NCOA7: variants seen among roughly 807,000 people sequenced by gnomAD.
The protein encoded by NCOA7 is 140 kDa estrogen receptor-associated protein.
Under a neutral mutation model 104.3 loss-of-function variants are expected in NCOA7, and 45 were observed. The observed-to-expected ratio is 0.43, with a 90% CI of 0.34 to 0.55. The LOEUF (loss-of-function observed/expected upper bound fraction) is 0.55, where lower values mean the gene tolerates loss of function less well. Ranked by LOEUF, NCOA7 falls within the 20% of genes least tolerant of loss-of-function variation. NCOA7 has a pLI of 0.02. For synonymous variants in NCOA7, 398 were observed against 402.3 expected, an observed-to-expected ratio of 0.99 and a Z score of 0.13; for missense variants, 1,041 against 1,119.7, an observed-to-expected ratio of 0.93 and a Z score of 1.00.
chr6:125,839,830 T>C (rs949022794), intron 2 of NCOA7, among the ~76,000 whole-genome samples: 2 of 152,120 alleles, frequency 1.3e-5, no homozygotes, highest in African/African-American at 4.8e-5. Flanking sequence ...CCCACTGTAC[T>C]GCCAGCTGTG....
intron 10 of NCOA7, among the ~76,000 whole-genome samples, chr6:125,900,387 G>T (rs186898209): frequency 6.6e-6 from 1 of 152,130 alleles, no homozygotes; most frequent in African/African-American, 2.4e-5. Flanking sequence ...AAACTTTTAC[G>T]TTTTTATTCA....
At chr6:125,852,376 AG>A (rs1486892160) in intron 2 of NCOA7, among the ~76,000 whole-genome samples, 1 of 152,038 alleles carries the variant, frequency 6.6e-6, no homozygotes, top group Non-Finnish European at 1.5e-5. Context: ...TTGTATCTTT[AG>A]TAGAGATGGG....
At chr6:125,898,689 AC>A (rs1420241609) in intron 10 of NCOA7, among the ~76,000 whole-genome samples, 5 of 152,254 alleles carry the variant, frequency 3.3e-5, no homozygotes, top group African/African-American at 1.2e-4. Flanking sequence ...TCATGTCTAA[AC>A]CCCTTCTGTA....
intron 10 of NCOA7, among the ~76,000 whole-genome samples, chr6:125,896,283 C>G (rs942695866): frequency 1.3e-5 from 2 of 151,976 alleles, no homozygotes; most frequent in Non-Finnish European, 1.5e-5. Context: ...CATATATACA[C>G]CCACCAGCAT....
chr6:125,922,310 G>C (rs1787657230), intron 12 of NCOA7, among the ~76,000 whole-genome samples: 1 of 152,184 alleles, frequency 6.6e-6, no homozygotes, highest in Non-Finnish European at 1.5e-5. Flanking sequence ...GCCTCTGAGT[G>C]TTTAGAAAGA....
rs1184196531 is a variant in NCOA7 at position 125,928,714 on chromosome 6, T to C, written c.2772T>C (p.Ile924=). The change falls in exon 16 of 16, where the codon ATT becomes ATC. Residue 924 remains isoleucine, a synonymous_variant. Coordinates refer to ENST00000392477, the MANE Select transcript of NCOA7 (RefSeq NM_181782.5). ...CTTGCAGCACTTTCAATAATGATATTCTTTCCAAAAAGGAAGACTTCATAG... is the reference window on the plus strand; with the variant it reads ...CTTGCAGCACTTTCAATAATGATATCCTTTCCAAAAAGGAAGACTTCATAG... ...SNSCSTFNND[I]LSKKEDFIVQ... 6.2e-7 allele frequency: 1 copy of C among 1,613,674 alleles called. No homozygotes were observed. Among genetic ancestry groups the C allele is most frequent in the Non-Finnish European group, 8.5e-7 (1 of 1,179,838 alleles).
chr6:125,833,301 G>A (rs1779334898), intron 2 of NCOA7, among the ~76,000 whole-genome samples: 1 of 152,018 alleles, frequency 6.6e-6, no homozygotes, highest in Non-Finnish European at 1.5e-5. Flanking sequence ...GAAATAATGG[G>A]GCTGGCCGGG....
intron 11 of NCOA7, among the ~76,000 whole-genome samples, chr6:125,917,673 A>G (rs1787202022): frequency 6.6e-6 from 1 of 152,228 alleles, no homozygotes; most frequent in Non-Finnish European, 1.5e-5. Flanking sequence ...AAGCCACAGT[A>G]GGATCTGTGT....
chr6:125,912,922 ACTT>A (rs975836028), intron 10 of NCOA7, among the ~76,000 whole-genome samples: 2 of 152,198 alleles, frequency 1.3e-5, no homozygotes, highest in Non-Finnish European at 2.9e-5. Context: ...TAAGAAGGAA[ACTT>A]CTTATTATAT....
upstream of NCOA7, among the ~76,000 whole-genome samples, chr6:125,786,814 G>C (rs1774490614): frequency 6.6e-6 from 1 of 152,072 alleles, no homozygotes; most frequent in Non-Finnish European, 1.5e-5. Context: ...GACCTCAAGT[G>C]ATCCACCCTC....
At chr6:125,899,965 G>T (rs768479076) in intron 10 of NCOA7, 2 of 532,256 alleles carry the variant, frequency 3.8e-6, no homozygotes, top group Non-Finnish European at 7.7e-6. Context: ...ATAGCTGAGG[G>T]TCCATTTCCA....
intron 1 of NCOA7, among the ~76,000 whole-genome samples, chr6:125,804,128 G>A (rs531332263): frequency 1.6e-3 from 239 of 152,256 alleles, no homozygotes; most frequent in African/African-American, 5.4e-3. Context: ...GACTCCAGAA[G>A]TTTGCAGCTT....
At chr6:125,838,561 G>A (rs1415493478) in intron 2 of NCOA7, among the ~76,000 whole-genome samples, 1 of 152,146 alleles carries the variant, frequency 6.6e-6, no homozygotes, top group Non-Finnish European at 1.5e-5. Flanking sequence ...TGTCAAAGAA[G>A]CATATTCTGG....
chr6:125,903,953 A>G (rs1181044667), intron 10 of NCOA7, among the ~76,000 whole-genome samples: 1 of 151,970 alleles, frequency 6.6e-6, no homozygotes, highest in African/African-American at 2.4e-5. Flanking sequence ...TGAACTGCCC[A>G]CCTCAGCCTC....
chr6:125,853,620 A>G (rs62428464), intron 2 of NCOA7, among the ~76,000 whole-genome samples: 3,988 of 152,274 alleles, frequency 0.026, 85 homozygotes, highest in Non-Finnish European at 0.038. Context: ...CCTTGTTGGA[A>G]TATGGGACCT....
chr6:125,858,653 A>T (rs1426300974), intron 3 of NCOA7, among the ~76,000 whole-genome samples: 1 of 151,906 alleles, frequency 6.6e-6, no homozygotes, highest in African/African-American at 2.4e-5. Context: ...AAGAAATGCC[A>T]TTAAAGCTTA....
At chr6:125,932,031 ATAAC>A (rs886914021) in exon 16 of NCOA7, 4 of 152,218 alleles carry the variant, frequency 2.6e-5, no homozygotes, top group African/African-American at 9.7e-5. Context: ...TTCTTTATAA[ATAAC>A]CCAGTCTCAG....
chr6:125,788,889 ACTC>A (rs1304831546), upstream of NCOA7, among the ~76,000 whole-genome samples: 1 of 151,872 alleles, frequency 6.6e-6, no homozygotes, highest in African/African-American at 2.4e-5. Context: ...AAAAATTCAT[ACTC>A]AGTTATAGGT....
At chr6:125,787,144 A>T (rs1463105910), upstream of NCOA7, among the ~76,000 whole-genome samples, 1 of 151,724 alleles carries the variant, frequency 6.6e-6, no homozygotes, top group African/African-American at 2.4e-5. Context: ...AAAAAAACAG[A>T]AAAGAAAATA....
Sources: gnomAD v4.1 joint callset for allele counts (sites outside exome capture counted in the v4.1 genomes callset) on GRCh38, gnomAD v4.1.1 for gene constraint, MANE v1.5 for transcripts, NCBI Gene and HGNC (gene_info 2026-07-23, HGNC 2026-07-21) for gene names.